Variants in GABRG3 observed in about 807,000 individuals in gnomAD.
GABRG3 encodes gamma-aminobutyric acid receptor subunit gamma-3.
In GABRG3, 25 loss-of-function variants were observed where a neutral mutation model predicts 48.8. The observed-to-expected ratio is 0.51, with a 90% CI of 0.37 to 0.72. The LOEUF (loss-of-function observed/expected upper bound fraction) is 0.72. Ranked by LOEUF, GABRG3 falls within the 30% of genes least tolerant of loss-of-function variation. The probability of loss-of-function intolerance (pLI) is 0.00; values close to 1 mark genes in which losing one functional copy is unlikely to be tolerated. For synonymous variants in GABRG3, 227 were observed against 217.6 expected (o/e 1.04, Z -0.38); for missense variants, 394 against 577.9 (o/e 0.68, Z 3.26).
At chr15:27,493,432 A>C (rs960217432) in intron 6 of GABRG3, among the ~76,000 whole-genome samples, 2 of 152,238 alleles carry the variant, frequency 1.3e-5, no homozygotes, top group African/African-American at 4.8e-5. Flanking sequence ...CAGTATGCAG[A>C]TAGAAAATGT....
In GABRG3 at chr15:26,976,412, G is replaced by A. The variant is rs746156451; in HGVS notation, c.54-590G>A. 5.3e-5 allele frequency among the ~76,000 whole-genome samples: 8 copies of A among 152,194 alleles called. No individual in the cohort carries two copies. The highest frequency in any genetic ancestry group is 9.6e-5 in the African/African-American group (4 of 41,454). ...TAGAGGGTCTTCACCAGTCATCAGC[G>A]AACATCGCTGTCCTTGCCTCCAATC... On this transcript the variant is annotated intron_variant, in intron 1 of 9. Transcript: ENST00000615808. This position sits in a 1 kb window ranked among gnomAD's most constrained non-coding sequence, Gnocchi z 7.8.
chr15:27,197,399 AG>A (rs1274300739), intron 3 of GABRG3, among the ~76,000 whole-genome samples: 2 of 152,108 alleles, frequency 1.3e-5, no homozygotes, highest in South Asian at 2.1e-4. Context: ...TGTTCACAGA[AG>A]GGCTTTTGAG....
intron 6 of GABRG3, among the ~76,000 whole-genome samples, chr15:27,514,762 G>A (rs1331294703): frequency 2.6e-5 from 4 of 152,200 alleles, no homozygotes; most frequent in Admixed American, 2.0e-4. Context: ...GTGTGGTTAT[G>A]TGGCAGAATC....
rs2140638466 is a variant in GABRG3 at position 27,447,535 on chromosome 15, G to T, written c.575-33115G>T. Among the ~76,000 whole-genome samples, 1 of 152,260 alleles carries T rather than the reference G, an allele frequency of 6.6e-6. No individual in the cohort carries two copies. Among genetic ancestry groups the T allele is most frequent in the East Asian group, 1.9e-4 (1 of 5,172 alleles). ...TATTGTCCAGAATAGAGTTAGGGAG[G>T]ATCTGAACTAGGCCAGAGATGACAG... On this transcript the variant is annotated intron_variant, in intron 5 of 9. Coordinates refer to ENST00000615808, the MANE Select transcript of GABRG3 (RefSeq NM_033223.5). This position sits in a 1 kb window ranked among gnomAD's most constrained non-coding sequence, Gnocchi z 4.0.
intron 3 of GABRG3, among the ~76,000 whole-genome samples, chr15:27,298,851 AACAGGGGTC>A (rs1271924275): frequency 6.9e-6 from 1 of 144,306 alleles, no homozygotes; most frequent in Non-Finnish European, 1.5e-5. Flanking sequence ...CCCACCCCCC[AACAGGGGTC>A]AGGTTCCTGA....
intron 3 of GABRG3, among the ~76,000 whole-genome samples, chr15:27,129,768 T>C (rs1347991248): frequency 6.6e-6 from 1 of 152,054 alleles, no homozygotes; most frequent in Admixed American, 6.6e-5. Flanking sequence ...TGTCTCATTG[T>C]AGTTTTGATT....
intron 3 of GABRG3, among the ~76,000 whole-genome samples, chr15:27,082,432 T>C (rs1413991049): frequency 6.6e-6 from 1 of 152,216 alleles, no homozygotes; most frequent in African/African-American, 2.4e-5. Context: ...TCAGCATTCA[T>C]AGCTGAATTT....
chr15:27,384,535 CAATTT>C (rs1336140525), intron 5 of GABRG3, among the ~76,000 whole-genome samples: 2 of 152,196 alleles, frequency 1.3e-5, no homozygotes, highest in African/African-American at 2.4e-5. Context: ...ACGTTGGAGT[CAATTT>C]AATTGACGGA....
At chr15:27,461,749 A>C (rs190664650) in intron 5 of GABRG3, among the ~76,000 whole-genome samples, 1 of 152,174 alleles carries the variant, frequency 6.6e-6, no homozygotes, top group Non-Finnish European at 1.5e-5. Context: ...ACCTTTAGCT[A>C]GACAGAAAAA....
intron 3 of GABRG3, among the ~76,000 whole-genome samples, chr15:27,242,861 CAGAG>C (rs1890166831): frequency 1.3e-5 from 2 of 152,184 alleles, no homozygotes; most frequent in African/African-American, 4.8e-5. Flanking sequence ...TCATGTCTCT[CAGAG>C]AGATTGGCAC....
At chr15:27,210,267 A>T (rs1027950371) in intron 3 of GABRG3, among the ~76,000 whole-genome samples, 1 of 152,200 alleles carries the variant, frequency 6.6e-6, no homozygotes, top group Non-Finnish European at 1.5e-5. Context: ...TGGAACTTTT[A>T]TCTCCGTATT....
intron 3 of GABRG3, among the ~76,000 whole-genome samples, chr15:27,116,510 A>G (rs555877452): frequency 6.6e-6 from 1 of 152,312 alleles, no homozygotes; most frequent in African/African-American, 2.4e-5. Context: ...TTCTAGCAAA[A>G]TAATACTAGT....
intron 2 of GABRG3, among the ~76,000 whole-genome samples, chr15:27,004,889 T>C (rs1193010361): frequency 6.6e-6 from 1 of 152,012 alleles, no homozygotes; most frequent in Non-Finnish European, 1.5e-5. Context: ...TGAGCGGGAG[T>C]CAGCTGGGCT....
chr15:27,216,491 G>A (rs1889250679), intron 3 of GABRG3, among the ~76,000 whole-genome samples: 1 of 152,168 alleles, frequency 6.6e-6, no homozygotes, highest in Non-Finnish European at 1.5e-5. Flanking sequence ...GTGCAGTGCA[G>A]AGGCAAAGCA....
chr15:27,234,581 C>T (rs1408594102), intron 3 of GABRG3, among the ~76,000 whole-genome samples: 2 of 152,070 alleles, frequency 1.3e-5, no homozygotes, highest in African/African-American at 4.8e-5. Flanking sequence ...GGTACACATT[C>T]TCGGTTCTGG....
intron 5 of GABRG3, among the ~76,000 whole-genome samples, chr15:27,461,136 C>T (rs902767113): frequency 6.6e-5 from 10 of 152,296 alleles, no homozygotes; most frequent in African/African-American, 1.9e-4. Context: ...TCAAGATGTG[C>T]GGCAGGCGCC....
intron 3 of GABRG3, among the ~76,000 whole-genome samples, chr15:27,268,101 T>G (rs1376734795): frequency 1.3e-5 from 2 of 152,148 alleles, no homozygotes; most frequent in Non-Finnish European, 2.9e-5. Flanking sequence ...CTGGAAGGTG[T>G]GTAGACAGTA....
intron 2 of GABRG3, among the ~76,000 whole-genome samples, chr15:27,002,382 T>C (rs1253375841): frequency 6.6e-6 from 1 of 152,190 alleles, no homozygotes; most frequent in Non-Finnish European, 1.5e-5. Context: ...TCCCTCAGCA[T>C]GGATTCTGAT....
chr15:27,136,864 C>A (rs554215639), intron 3 of GABRG3, among the ~76,000 whole-genome samples: 1 of 152,138 alleles, frequency 6.6e-6, no homozygotes, highest in South Asian at 2.1e-4. Context: ...ATGACTGCTA[C>A]AGCCCTAACC....
Sources: allele counts gnomAD v4.1 joint callset (sites outside exome capture counted in the v4.1 genomes callset), GRCh38; gene constraint gnomAD v4.1.1; non-coding constraint Gnocchi (gnomAD v3.1); transcripts MANE v1.5; gene names NCBI Gene and HGNC (gene_info 2026-07-23, HGNC 2026-07-21).